The following RIMS1 variants were observed in gnomAD, a reference collection of about 807,000 sequenced individuals.
RIMS1 encodes regulating synaptic membrane exocytosis protein 1.
In RIMS1, 83 loss-of-function variants were observed where a neutral mutation model predicts 214.1. That is an observed-to-expected ratio of 0.39 (90% CI 0.32 to 0.47). The LOEUF is 0.47. Among genes scored for constraint, RIMS1 ranks in the 20% least tolerant of loss-of-function variants. The probability of loss-of-function intolerance (pLI) is 0.99; values close to 1 mark genes in which losing one functional copy is unlikely to be tolerated. For missense variants in RIMS1, 2,050 were observed against 2,161.8 expected, an observed-to-expected ratio of 0.95 and a Z score of 1.03; for synonymous variants, 793 against 786.8, an observed-to-expected ratio of 1.01 and a Z score of -0.13.
At position 72,187,217 on chromosome 6, in the gene RIMS1, T is replaced by C. The variant is rs532682573; in HGVS notation, c.1678+4068T>C. ...AAGGAAGGGAGGGCTCATTTTGTTA[T>C]TATTGCTGCAACCCAACTTAAAATA... On this transcript the variant is annotated intron_variant, in intron 6 of 33. Coordinates refer to ENST00000521978, the MANE Select transcript of RIMS1 (RefSeq NM_014989.7). 3.9e-5 allele frequency among the ~76,000 whole-genome samples: 6 copies of C among 152,238 alleles called. No homozygotes were observed. In the East Asian group the frequency reaches 5.8e-4, roughly 15 times the overall value.
intron 29 of RIMS1, among the ~76,000 whole-genome samples, chr6:72,350,497 C>G (rs2097408950): frequency 1.3e-5 from 2 of 152,166 alleles, no homozygotes; most frequent in African/African-American, 4.8e-5. Flanking sequence ...GTCCTAGATT[C>G]ACTGGCCCAG....
intron 1 of RIMS1, among the ~76,000 whole-genome samples, chr6:71,888,611 T>C (rs1436286304): frequency 2.0e-5 from 3 of 152,116 alleles, no homozygotes; most frequent in Non-Finnish European, 4.4e-5. Flanking sequence ...AGACCGATGG[T>C]TCCCCAACCA....
At position 72,261,508 on chromosome 6, in the gene RIMS1, A is replaced by G. The variant is rs1483566809; in HGVS notation, c.3116+741A>G. 7 of 940,184 alleles carry G rather than the reference A, an allele frequency of 7.4e-6. No homozygotes were observed. In the Admixed American group the frequency reaches 3.7e-4, roughly 50 times the overall value. The allele number at this position is 940,184 out of a possible 1,614,324, so 58.2% of individuals were successfully genotyped here. A position where few individuals can be genotyped will look rare whatever the true frequency, so the allele number is the denominator to read the frequency against. On this transcript the variant is annotated intron_variant, in intron 19 of 33. Coordinates refer to ENST00000521978, the MANE Select transcript of RIMS1 (RefSeq NM_014989.7). ...CATATCCAAGTAAAACTTCTTACAG[A>G]TTACTCATGGAACATATTCTATAAA...
At chr6:71,901,679 A>T (rs1259878593) in intron 1 of RIMS1, among the ~76,000 whole-genome samples, 2 of 152,108 alleles carry the variant, frequency 1.3e-5, no homozygotes, top group East Asian at 3.8e-4. Context: ...TAAATATCTT[A>T]AATATTGATA....
In RIMS1 at chr6:72,120,507, T is replaced by C. The variant is rs59013697; in HGVS notation, c.471+20521T>C. On this transcript the variant is annotated intron_variant, in intron 4 of 33. Transcript: ENST00000521978. ...CCCACTTGTTGATGGGGTTGTTTGA[T>C]TTTTATTGTAAATTTGTTAAAGTTC... is the stretch of plus-strand genomic sequence containing the variant. Among the ~76,000 whole-genome samples, 458 of 152,120 alleles carry C rather than the reference T, an allele frequency of 3.0e-3. 1 individual carries two copies. Among genetic ancestry groups the C allele is most frequent in the African/African-American group, 0.011 (439 of 41,562 alleles).
intron 10 of RIMS1, among the ~76,000 whole-genome samples, chr6:72,243,437 G>A (rs553141611): frequency 6.6e-6 from 1 of 151,818 alleles, no homozygotes; most frequent in African/African-American, 2.4e-5. Flanking sequence ...AGTGAACACT[G>A]AAGACATTTG....
chr6:71,998,186 A>T (rs980937068), intron 2 of RIMS1, among the ~76,000 whole-genome samples: 1 of 152,088 alleles, frequency 6.6e-6, no homozygotes, highest in African/African-American at 2.4e-5. Context: ...TATCTACTTT[A>T]TGTGGATTTT....
intron 1 of RIMS1, among the ~76,000 whole-genome samples, chr6:71,910,036 A>G (rs948268343): frequency 6.6e-6 from 1 of 152,280 alleles, no homozygotes; most frequent in East Asian, 1.9e-4. Flanking sequence ...CTTTGTTCAA[A>G]GATCTAAAAG....
intron 1 of RIMS1, among the ~76,000 whole-genome samples, chr6:71,905,094 C>A (rs888035702): frequency 4.6e-5 from 7 of 152,110 alleles, no homozygotes; most frequent in African/African-American, 1.4e-4. Flanking sequence ...ATTCCCTCCT[C>A]CCATTTAAGC....
At position 72,179,559 on chromosome 6, in the gene RIMS1, T is replaced by G. The variant is rs751715542; in HGVS notation, c.472-16T>G. 6.3e-7 allele frequency: 1 copy of G among 1,591,036 alleles called. No individual in the cohort carries two copies. Among genetic ancestry groups the G allele is most frequent in the Admixed American group, 1.7e-5 (1 of 58,512 alleles). ...GAGGGCATAAAAATTTATATTGTTCTTTCTTCTTCAAATAGGTTATGTGGG... is the reference window on the plus strand; with the variant it reads ...GAGGGCATAAAAATTTATATTGTTCGTTCTTCTTCAAATAGGTTATGTGGG... On this transcript the variant is annotated splice_polypyrimidine_tract_variant and intron_variant, in intron 4 of 33. Transcript: ENST00000521978.
chr6:72,005,634 C>A (rs1219119946), intron 2 of RIMS1, among the ~76,000 whole-genome samples: 1 of 152,152 alleles, frequency 6.6e-6, no homozygotes, highest in Non-Finnish European at 1.5e-5. Context: ...CACTGACTTG[C>A]CTCTATTACA....
intron 2 of RIMS1, among the ~76,000 whole-genome samples, chr6:72,005,689 G>T (rs1177012862): frequency 1.3e-5 from 2 of 152,176 alleles, no homozygotes; most frequent in East Asian, 1.9e-4. Context: ...AAAGAAGGCT[G>T]TTTTTAACAG....
chr6:71,931,084 C>G (rs561724290), intron 1 of RIMS1, among the ~76,000 whole-genome samples: 162 of 152,002 alleles, frequency 1.1e-3, no homozygotes, highest in Non-Finnish European at 2.0e-3. Flanking sequence ...TTTAAAACAC[C>G]GAATTCAAAT....
chr6:72,290,640 C>T, intron 24 of RIMS1, 39 bp from the exon 25 acceptor site: 1 of 1,576,202 alleles, frequency 6.3e-7, no homozygotes, highest in South Asian at 1.2e-5. Flanking sequence ...TTAATGTGAA[C>T]CTGCTGACTG....
At chr6:72,030,923 G>A (rs17569061) in intron 2 of RIMS1, among the ~76,000 whole-genome samples, 18,061 of 152,112 alleles carry the variant, frequency 0.12, 1,238 homozygotes, top group South Asian at 0.17. Context: ...AGCACAGAAG[G>A]AATTGAAACA....
At chr6:72,275,157 TA>T (rs1359975539) in intron 23 of RIMS1, among the ~76,000 whole-genome samples, 7 of 50,280 alleles carry the variant, frequency 1.4e-4, no homozygotes, top group South Asian at 5.0e-4. Flanking sequence ...TATATATATA[TA>T]TATATATATA....
intron 29 of RIMS1, among the ~76,000 whole-genome samples, chr6:72,381,674 A>C (rs2098491350): frequency 6.6e-6 from 1 of 152,228 alleles, no homozygotes; most frequent in Non-Finnish European, 1.5e-5. Context: ...CGAATGGAAA[A>C]AACAAAGTTA....
intron 2 of RIMS1, among the ~76,000 whole-genome samples, chr6:72,066,898 C>T (rs1829435180): frequency 6.6e-6 from 1 of 152,078 alleles, no homozygotes; most frequent in Admixed American, 6.6e-5. Context: ...CTTAAAACTT[C>T]TCTTTCATTC....
Position 72,185,489 on chromosome 6 carries a change from C to G in RIMS1, c.1678+2340C>G, listed in dbSNP as rs115787794. Among the ~76,000 whole-genome samples the G allele has an allele frequency of 2.9e-3, 447 of 152,114 alleles. 1 individual carries two copies. Among genetic ancestry groups the G allele is most frequent in the African/African-American group, 0.01 (430 of 41,476 alleles). On this transcript the variant is annotated intron_variant, in intron 6 of 33. Coordinates refer to ENST00000521978, the MANE Select transcript of RIMS1 (RefSeq NM_014989.7). ...GATTCCAGAGTTAATAGACACCACA[C>G]CAGAGGGATTAACAGAAGATAACTT...
Sources: gnomAD v4.1 joint callset for allele counts (sites outside exome capture counted in the v4.1 genomes callset) on GRCh38, gnomAD v4.1.1 for gene constraint, MANE v1.5 for transcripts, NCBI Gene and HGNC (gene_info 2026-07-23, HGNC 2026-07-21) for gene names.